TAF3: variants seen among roughly 807,000 people sequenced by gnomAD.
TAF3 encodes the protein transcription initiation factor TFIID subunit 3.
A neutral mutation model predicts 80.6 loss-of-function variants in TAF3; 7 were observed. The ratio of observed to expected loss-of-function variants is 0.09; its 90% CI spans 0.05 to 0.16. The LOEUF (loss-of-function observed/expected upper bound fraction) is 0.16. TAF3 is among the 10% of genes least tolerant of loss of function. TAF3 has a pLI of 1.00. For missense variants in TAF3, 921 were observed against 1,140.2 expected (o/e 0.81, Z 2.77); for synonymous variants, 444 against 446.1 (o/e 1.00, Z 0.06).
At chr10:7,880,972 A>C (rs1480194477) in intron 2 of TAF3, among the ~76,000 whole-genome samples, 1 of 152,230 alleles carries the variant, frequency 6.6e-6, no homozygotes, top group Admixed American at 6.5e-5. Flanking sequence ...ATGGTGGCTC[A>C]TGCCTGTAAT....
At chr10:7,924,076 A>G (rs1340576918) in intron 2 of TAF3, among the ~76,000 whole-genome samples, 1 of 152,186 alleles carries the variant, frequency 6.6e-6, no homozygotes, top group Admixed American at 6.5e-5. Flanking sequence ...GCGCACACCA[A>G]TGCCATTCAA....
chr10:7,984,553 A>C (rs1280856108), intron 4 of TAF3, among the ~76,000 whole-genome samples: 1 of 152,174 alleles, frequency 6.6e-6, no homozygotes, highest in Non-Finnish European at 1.5e-5. Flanking sequence ...GACTTCAATA[A>C]ATTGTTTTAT....
intron 1 of TAF3, 54 bp from the exon 2 acceptor site, chr10:7,824,264 A>G: frequency 1.3e-6 from 2 of 1,560,116 alleles, no homozygotes. Flanking sequence ...ATATTTAAAA[A>G]TATATTCGTG....
At chr10:7,901,608 C>G (rs138321679) in intron 2 of TAF3, among the ~76,000 whole-genome samples, 45 of 152,256 alleles carry the variant, frequency 3.0e-4, no homozygotes, top group Middle Eastern at 6.8e-3. Context: ...AATTCAATGG[C>G]TTGTTATATT....
At chr10:7,821,361 C>G (rs1836688716) in intron 1 of TAF3, among the ~76,000 whole-genome samples, 1 of 152,138 alleles carries the variant, frequency 6.6e-6, no homozygotes, top group Non-Finnish European at 1.5e-5. Flanking sequence ...TAAATCCTTT[C>G]TGTTGTTTTA....
chr10:7,902,939 A>G (rs1434809349), intron 2 of TAF3, among the ~76,000 whole-genome samples: 2 of 152,122 alleles, frequency 1.3e-5, no homozygotes, highest in African/African-American at 4.8e-5. Flanking sequence ...TTTAAAAATA[A>G]TAAAGTCATG....
intron 2 of TAF3, among the ~76,000 whole-genome samples, chr10:7,959,156 AC>A (rs1489666123): frequency 0.011 from 1,605 of 140,578 alleles, 19 homozygotes; most frequent in South Asian, 0.035. Context: ...ACACACACAC[AC>A]ACACACAAAA....
At chr10:7,858,829 C>T (rs922748669) in intron 2 of TAF3, among the ~76,000 whole-genome samples, 9 of 138,978 alleles carry the variant, frequency 6.5e-5, no homozygotes, top group Non-Finnish European at 9.5e-5. Flanking sequence ...TGTGTGTGTG[C>T]GCGCGCCTGC....
chr10:7,910,834 GA>G (rs764991810), intron 2 of TAF3, among the ~76,000 whole-genome samples: 12 of 152,156 alleles, frequency 7.9e-5, no homozygotes, highest in Admixed American at 5.2e-4. Flanking sequence ...AACCAGACTA[GA>G]TTTTTTAAAA....
At chr10:7,847,824 C>T (rs754435387) in intron 2 of TAF3, among the ~76,000 whole-genome samples, 4 of 152,036 alleles carry the variant, frequency 2.6e-5, no homozygotes, top group African/African-American at 4.8e-5. Context: ...CTGGAGTGCA[C>T]TGGTGCAATC....
At chr10:7,876,645 T>G (rs1409881639) in intron 2 of TAF3, among the ~76,000 whole-genome samples, 3 of 152,196 alleles carry the variant, frequency 2.0e-5, no homozygotes, top group African/African-American at 7.2e-5. Flanking sequence ...TGTGACAGTT[T>G]GTGTGTTTAC....
chr10:8,002,894 T>C (rs537176983), intron 4 of TAF3, among the ~76,000 whole-genome samples: 63 of 152,340 alleles, frequency 4.1e-4, no homozygotes, highest in Non-Finnish European at 7.6e-4. Context: ...TAAACTGTTA[T>C]AGCTTCCTGG....
chr10:7,927,549 G>A (rs1040289983), intron 2 of TAF3, among the ~76,000 whole-genome samples: 2 of 152,110 alleles, frequency 1.3e-5, no homozygotes, highest in Non-Finnish European at 2.9e-5. Context: ...CTTGGTTGTA[G>A]ATAACGTGGA....
At position 7,824,419 on chromosome 10, in the gene TAF3, G is replaced by C; in HGVS notation, c.268G>C (p.Val90Leu). 6.2e-7 allele frequency: 1 copy of C among 1,614,132 alleles called. No homozygotes were observed. The highest frequency in any genetic ancestry group is 8.5e-7 in the Non-Finnish European group (1 of 1,180,022). The change falls in exon 2 of 7, where the codon GTC becomes CTC. Residue 90 changes from valine to leucine, a missense_variant. Val to Leu is a conservative substitution (Grantham distance 32). Transcript: ENST00000344293. ...AGACTATATTCACAACATTGAGCCT[G>C]TCACCTTCCCACACCAAATTCCGTC... The part of the protein sequence containing the change: ...LEDYIHNIEP[V>L]TFPHQIPSFP...
At chr10:7,949,310 T>C (rs868867851) in intron 2 of TAF3, among the ~76,000 whole-genome samples, 1 of 152,244 alleles carries the variant, frequency 6.6e-6, no homozygotes, top group South Asian at 2.1e-4. Context: ...TGCTTAGCAC[T>C]GTCCCCAGGA....
intron 3 of TAF3, among the ~76,000 whole-genome samples, chr10:7,970,737 G>T (rs182221515): frequency 1.3e-5 from 2 of 152,138 alleles, no homozygotes; most frequent in South Asian, 4.1e-4. Flanking sequence ...AAATTTTAAT[G>T]TTTCTTTATC....
intron 4 of TAF3, among the ~76,000 whole-genome samples, chr10:8,005,102 A>G (rs555092301): frequency 1.1e-4 from 17 of 152,300 alleles, no homozygotes; most frequent in African/African-American, 4.1e-4. Flanking sequence ...AATCCACTAG[A>G]TCAAGTCACT....
chr10:7,939,477 G>A (rs4749378), intron 2 of TAF3, among the ~76,000 whole-genome samples: 44,726 of 151,758 alleles, frequency 0.29, 7,946 homozygotes, highest in Non-Finnish European at 0.39. Flanking sequence ...AGCGACTCAC[G>A]CTTAAACACC....
At chr10:7,874,064 G>A (rs1837292871) in intron 2 of TAF3, among the ~76,000 whole-genome samples, 1 of 152,190 alleles carries the variant, frequency 6.6e-6, no homozygotes, top group African/African-American at 2.4e-5. Flanking sequence ...AATAGTAAGT[G>A]CATTGAAGAT....
Sources: allele counts gnomAD v4.1 joint callset (sites outside exome capture counted in the v4.1 genomes callset), GRCh38; gene constraint gnomAD v4.1.1; transcripts MANE v1.5; gene names NCBI Gene and HGNC (gene_info 2026-07-23, HGNC 2026-07-21).